The following CFAP100 variants were observed in gnomAD, a reference collection of about 807,000 sequenced individuals.
CFAP100 encodes cilia and flagella associated protein 100, also known as cilia- and flagella-associated protein 100.
CFAP100 carries 70 observed loss-of-function variants against 81.5 expected under a neutral mutation model. The ratio of observed to expected loss-of-function variants is 0.86; its 90% CI spans 0.71 to 1.05. CFAP100 has a LOEUF of 1.05. Ranked by LOEUF, CFAP100 falls within the 50% of genes least tolerant of loss-of-function variation. CFAP100 has a pLI of 0.00. For missense variants in CFAP100, 811 were observed against 776.5 expected (o/e 1.04, Z -0.53); for synonymous variants, 341 against 314.8 (o/e 1.08, Z -0.88).
At chr3:126,434,470 C>A in intron 15 of CFAP100, 89 bp downstream of exon 15, 1 of 1,291,236 alleles carries the variant, frequency 7.7e-7, no homozygotes, top group East Asian at 2.4e-5. Context: ...CAAAGCACTC[C>A]CAGGAGACAG....
intron 2 of CFAP100, among the ~76,000 whole-genome samples, chr3:126,398,857 C>A (rs1419360628): frequency 1.3e-5 from 2 of 152,198 alleles, no homozygotes; most frequent in African/African-American, 4.8e-5. Context: ...GGCTGGGGCA[C>A]AGAGGGCCAT....
intron 15 of CFAP100, chr3:126,434,661 T>TA (rs1368598772): frequency 4.9e-6 from 2 of 409,290 alleles, no homozygotes; most frequent in African/African-American, 2.0e-5. Context: ...GGAGCTTAGT[T>TA]AGAGTGTGGC....
At chr3:126,432,368 A>G (rs1933268854) in intron 13 of CFAP100, among the ~76,000 whole-genome samples, 1 of 152,104 alleles carries the variant, frequency 6.6e-6, no homozygotes, top group African/African-American at 2.4e-5. Context: ...AATTGAAAAC[A>G]TGTCCTCACA....
chr3:126,423,280 T>C, intron 11 of CFAP100, 45 bp from the exon 12 acceptor site: 1 of 1,554,440 alleles, frequency 6.4e-7, no homozygotes, highest in Non-Finnish European at 8.7e-7. Flanking sequence ...GGCTCCTGTC[T>C]GCTCAGGCTG....
rs758885870 is a variant in CFAP100 at position 126,423,555 on chromosome 3, G to A, written c.1197G>A (p.Glu399=). The A allele has an allele frequency of 6.2e-7, 1 of 1,614,192 alleles. No homozygotes were observed. Among genetic ancestry groups the A allele is most frequent in the Admixed American group, 1.7e-5 (1 of 60,026 alleles). Residue 399 remains glutamate, a synonymous_variant, in exon 13 of 17, where the codon GAG becomes GAA. Transcript: ENST00000352312. ...QLLDVFRELE[E]QNLSLIQNSQ... ...TGGATGTCTTCCGAGAGCTGGAGGAGCAGAACCTGTCGCTGATCCAGAACA... is the reference window on the plus strand; with the variant it reads ...TGGATGTCTTCCGAGAGCTGGAGGAACAGAACCTGTCGCTGATCCAGAACA...
rs1230411773 is a variant in CFAP100, at chr3:126,433,200, A to G, written c.1418A>G (p.Gln473Arg). ...CACTTCGGCGAGTACAAGGGCGATC[A>G]GCAGGTAGGCTGGGGATCAAGGTGG... ...VFHFGEYKGD[Q>R]QDKLLESLNC... Residue 473 changes from glutamine (Q) to arginine (R), a missense_variant, in exon 14 of 17, where the codon CAG (glutamine) becomes CGG (arginine). Physicochemically the swap from Gln to Arg is conservative, Grantham distance 43 (BLOSUM62 1). Transcript: ENST00000352312. The G allele has an allele frequency of 6.2e-7, 1 of 1,614,178 alleles. No individual in the cohort carries two copies. Among genetic ancestry groups the G allele is most frequent in the East Asian group, 2.2e-5 (1 of 44,874 alleles).
chr3:126,406,329 C>A (rs1035381417), intron 2 of CFAP100, among the ~76,000 whole-genome samples: 1 of 152,188 alleles, frequency 6.6e-6, no homozygotes, highest in Non-Finnish European at 1.5e-5. Flanking sequence ...TCATGAGAAA[C>A]CCTGTCTTCC....
At chr3:126,418,305 G>C (rs779815651) in intron 5 of CFAP100, 153 bp from the exon 6 acceptor site, 59 of 646,358 alleles carry the variant, frequency 9.1e-5, no homozygotes, top group Middle Eastern at 7.4e-4. Flanking sequence ...GGAGACAGAG[G>C]ACAAGAACAC....
intron 2 of CFAP100, among the ~76,000 whole-genome samples, chr3:126,398,547 G>T (rs535566342): frequency 2.4e-4 from 36 of 152,276 alleles, no homozygotes; most frequent in Non-Finnish European, 4.8e-4. Flanking sequence ...CACAATGGGA[G>T]CATTCAGGAA....
intron 13 of CFAP100, among the ~76,000 whole-genome samples, chr3:126,430,389 CAA>C (rs1205078448): frequency 6.6e-6 from 1 of 152,086 alleles, no homozygotes; most frequent in East Asian, 1.9e-4. Flanking sequence ...AGTATAAAGA[CAA>C]ATATTTAAAG....
At position 126,435,664 on chromosome 3, in the gene CFAP100, C is replaced by A; in HGVS notation, c.1722+12C>A. ...AGATCAAGAAGAAGGTAGGCAGGGT[C>A]GCCTTGGGGGGTCTCTGCTGGAGGG... On this transcript the variant is annotated intron_variant, in intron 16 of 16. Coordinates refer to ENST00000352312, the MANE Select transcript of CFAP100 (RefSeq NM_182628.3). 6.2e-7 allele frequency: 1 copy of A among 1,606,446 alleles called. No individual in the cohort carries two copies. The highest frequency in any genetic ancestry group is 1.1e-5 in the South Asian group (1 of 90,288).
intron 8 of CFAP100, 67 bp downstream of exon 8, chr3:126,419,223 C>A (rs564401800): frequency 2.9e-6 from 3 of 1,047,828 alleles, no homozygotes; most frequent in South Asian, 3.1e-5. Context: ...TTTTGCCTGG[C>A]CAAGGGAAGC....
chr3:126,419,977 C>T lies in CFAP100; in HGVS notation c.914-3C>T. ...ATCGGGGCCCCCCCTTTGCTTCCTG[C>T]AGGACCAGGGATCAAGGGCAAGGCG... On this transcript the variant is annotated splice_polypyrimidine_tract_variant and splice_region_variant and intron_variant, in intron 9 of 16. Transcript: ENST00000352312. The T allele has an allele frequency of 6.2e-7, 1 of 1,613,064 alleles. No individual in the cohort carries two copies. The highest frequency in any genetic ancestry group is 8.5e-7 in the Non-Finnish European group (1 of 1,179,950).
In CFAP100 at chr3:126,433,132, G is replaced by C; in HGVS notation, c.1350G>C (p.Glu450Asp). Reference protein sequence around the residue: ...VTTMMMSITKEEDTAAELELK... With the variant: ...VTTMMMSITKDEDTAAELELK... ...CAATGATGATGTCCATCACCAAGGA[G>C]GAGGACACAGCAGCTGAGCTGGAGC... Residue 450 changes from glutamate to aspartate, a missense_variant, in exon 14 of 17, where the codon GAG (glutamate) becomes GAC (aspartate). Physicochemically the swap from Glu to Asp is conservative, Grantham distance 45 (BLOSUM62 2). Transcript: ENST00000352312. 6.2e-7 allele frequency: 1 copy of C among 1,614,256 alleles called. No homozygotes were observed. The highest frequency in any genetic ancestry group is 1.3e-5 in the African/African-American group (1 of 75,076).
At chr3:126,416,190 C>G in intron 4 of CFAP100, 126 bp from the exon 5 acceptor site, 2 of 665,250 alleles carry the variant, frequency 3.0e-6, no homozygotes, top group Admixed American at 6.9e-5. Context: ...CAGCCCGGGA[C>G]AGCAGTGTTC....
intron 15 of CFAP100, 185 bp downstream of exon 15, chr3:126,434,566 A>T: frequency 1.5e-5 from 9 of 596,570 alleles, no homozygotes; most frequent in East Asian, 3.1e-5. Flanking sequence ...GGGGGTGGTT[A>T]GGGAAAGCTT....
rs369057465 is a variant in CFAP100, at chr3:126,435,564, G to A, written c.1634G>A (p.Arg545Gln). The change falls in exon 16 of 17, where the codon CGA (arginine) becomes CAA (glutamine). Residue 545 changes from arginine (R) to glutamine (Q), a missense_variant. Physicochemically the swap from Arg to Gln is conservative, Grantham distance 43. Transcript: ENST00000352312. ...AKEKERRIRL[R>Q]EEKLQMQKIL... is the part of the protein sequence containing the mutation. ...TGTCATTTCTTGCCACCCAGACTTC[G>A]AGAAGAGAAGCTCCAGATGCAAAAG... The A allele has an allele frequency of 2.6e-5, 42 of 1,610,662 alleles. No individual in the cohort carries two copies. Among genetic ancestry groups the A allele is most frequent in the Admixed American group, 1.5e-4 (9 of 59,776 alleles).
At chr3:126,416,589 T>A in intron 5 of CFAP100, 81 bp downstream of exon 5, 1 of 1,211,582 alleles carries the variant, frequency 8.3e-7, no homozygotes, top group Non-Finnish European at 1.1e-6. Flanking sequence ...GGAACCTCCG[T>A]GCCACTCATC....
intron 3 of CFAP100, among the ~76,000 whole-genome samples, chr3:126,411,701 T>C (rs9853904): frequency 0.16 from 24,964 of 152,086 alleles, 2,105 homozygotes; most frequent in African/African-American, 0.2. Context: ...TGCACATACA[T>C]GTTCGTAGTA....
Sources: gnomAD v4.1 joint callset for allele counts (sites outside exome capture counted in the v4.1 genomes callset) on GRCh38, gnomAD v4.1.1 for gene constraint, MANE v1.5 for transcripts, NCBI Gene and HGNC (gene_info 2026-07-23, HGNC 2026-07-21) for gene names.